PRKG1: variants seen among roughly 807,000 people sequenced by gnomAD.
PRKG1 encodes protein kinase cGMP-dependent 1.
PRKG1 carries 35 observed loss-of-function variants against 88.1 expected under a neutral mutation model. The ratio of observed to expected loss-of-function variants is 0.40; its 90% CI spans 0.30 to 0.53. The LOEUF (loss-of-function observed/expected upper bound fraction) is 0.53, where lower values mean the gene tolerates loss of function less well. Among genes scored for constraint, PRKG1 ranks in the 20% least tolerant of loss-of-function variants. The probability of loss-of-function intolerance (pLI) is 0.59; values close to 1 mark genes in which losing one functional copy is unlikely to be tolerated. For synonymous variants in PRKG1, 303 were observed against 292.5 expected (o/e 1.04, Z -0.37); for missense variants, 540 against 839.8 (o/e 0.64, Z 4.41).
chr10:51,787,349 A>AAGG (rs1213656467), intron 3 of PRKG1, among the ~76,000 whole-genome samples: 1 of 152,144 alleles, frequency 6.6e-6, no homozygotes, highest in Non-Finnish European at 1.5e-5. Flanking sequence ...AGCAATATGT[A>AAGG]AGGTATTGAG....
intron 4 of PRKG1, among the ~76,000 whole-genome samples, chr10:51,861,915 T>A (rs192577288): frequency 2.0e-3 from 304 of 152,316 alleles, no homozygotes; most frequent in African/African-American, 6.9e-3. Flanking sequence ...AGGCTGCACT[T>A]GGCTCACACT....
At chr10:51,469,913 G>A (rs577185293) in intron 3 of PRKG1, among the ~76,000 whole-genome samples, 34 of 151,962 alleles carry the variant, frequency 2.2e-4, no homozygotes, top group Admixed American at 1.2e-3. Flanking sequence ...ATATCTGTGC[G>A]CAACTGTTTC....
intron 2 of PRKG1, among the ~76,000 whole-genome samples, chr10:51,173,185 G>T (rs1837090575): frequency 6.6e-6 from 1 of 151,862 alleles, no homozygotes; most frequent in African/African-American, 2.4e-5. Context: ...AAACATTTAA[G>T]CAGGATGTTA....
intron 9 of PRKG1, among the ~76,000 whole-genome samples, chr10:52,196,139 A>G (rs1839498895): frequency 6.6e-6 from 1 of 151,908 alleles, no homozygotes; most frequent in Non-Finnish European, 1.5e-5. Context: ...CAGCCCCCCG[A>G]GTAGCTGGGA....
chr10:51,555,165 A>G (rs972270822), intron 3 of PRKG1, among the ~76,000 whole-genome samples: 3 of 151,958 alleles, frequency 2.0e-5, no homozygotes, highest in Middle Eastern at 3.4e-3. Context: ...TCTATGCTTT[A>G]TGGCTCTCCA....
chr10:51,706,515 ATT>A (rs113549311), intron 3 of PRKG1, among the ~76,000 whole-genome samples: 1 of 147,558 alleles, frequency 6.8e-6, no homozygotes, highest in African/African-American at 2.5e-5. Context: ...GTCCAGCCCA[ATT>A]TTTTTTTTTT....
At chr10:51,590,343 A>G (rs1160187044) in intron 3 of PRKG1, among the ~76,000 whole-genome samples, 1 of 152,176 alleles carries the variant, frequency 6.6e-6, no homozygotes, top group African/African-American at 2.4e-5. Context: ...CACTTGGAGA[A>G]TAGGTGGCAT....
intron 5 of PRKG1, among the ~76,000 whole-genome samples, chr10:51,986,386 A>G (rs1304125678): frequency 6.6e-6 from 1 of 152,228 alleles, no homozygotes; most frequent in Non-Finnish European, 1.5e-5. Context: ...CATAGAACAC[A>G]TAAGATAGTC....
intron 3 of PRKG1, among the ~76,000 whole-genome samples, chr10:51,747,175 C>T (rs1436659293): frequency 1.3e-5 from 2 of 152,128 alleles, no homozygotes; most frequent in African/African-American, 4.8e-5. Context: ...TTCAGATTTA[C>T]ACAGAAAGAA....
chr10:52,209,977 A>G (rs1383771381), intron 9 of PRKG1, among the ~76,000 whole-genome samples: 1 of 152,206 alleles, frequency 6.6e-6, no homozygotes, highest in Non-Finnish European at 1.5e-5. Flanking sequence ...ACTAGCTGCA[A>G]TCTTAGCCAA....
At chr10:51,604,991 G>T (rs975872578) in intron 3 of PRKG1, among the ~76,000 whole-genome samples, 1 of 152,234 alleles carries the variant, frequency 6.6e-6, no homozygotes, top group East Asian at 1.9e-4. Flanking sequence ...TGAGAGCAAG[G>T]TTTGATTGAG....
chr10:51,052,992 G>A (rs753708269), intron 1 of PRKG1, among the ~76,000 whole-genome samples: 4 of 152,168 alleles, frequency 2.6e-5, no homozygotes, highest in Non-Finnish European at 4.4e-5. Flanking sequence ...CACTTTGGGA[G>A]GTCAAAGTGG....
chr10:51,156,150 A>G (rs147409035), intron 2 of PRKG1, among the ~76,000 whole-genome samples: 11 of 152,102 alleles, frequency 7.2e-5, no homozygotes, highest in African/African-American at 2.4e-4. Context: ...TTCTTGGGTG[A>G]TGTTTACTCA....
At chr10:51,426,685 T>C (rs1239048814) in intron 2 of PRKG1, among the ~76,000 whole-genome samples, 8 of 152,110 alleles carry the variant, frequency 5.3e-5, no homozygotes, top group African/African-American at 1.9e-4. Context: ...CAAAAATATA[T>C]GTGTGTGTCT....
chr10:52,029,646 A>C (rs1273072716), intron 5 of PRKG1, among the ~76,000 whole-genome samples: 1 of 152,170 alleles, frequency 6.6e-6, no homozygotes, highest in African/African-American at 2.4e-5. Flanking sequence ...CACTGGGATC[A>C]CTTGGAGAAC....
intron 2 of PRKG1, among the ~76,000 whole-genome samples, chr10:51,228,271 T>C (rs1208616835): frequency 1.3e-5 from 2 of 152,206 alleles, no homozygotes; most frequent in Non-Finnish European, 2.9e-5. Flanking sequence ...AGGAAAGCCT[T>C]ACTGCTTAGA....
chr10:51,325,675 A>G (rs1258161918), intron 2 of PRKG1, among the ~76,000 whole-genome samples: 1 of 152,170 alleles, frequency 6.6e-6, no homozygotes, highest in East Asian at 1.9e-4. Flanking sequence ...GTCTTACCCA[A>G]AAAATCTTGA....
chr10:51,312,190 G>A (rs1841206210), intron 2 of PRKG1, among the ~76,000 whole-genome samples: 1 of 152,068 alleles, frequency 6.6e-6, no homozygotes, highest in Non-Finnish European at 1.5e-5. Context: ...TATCTTCTAA[G>A]TCTCTTTGCA....
At chr10:50,994,658 A>G (rs1207265274) in intron 1 of PRKG1, among the ~76,000 whole-genome samples, 1 of 152,132 alleles carries the variant, frequency 6.6e-6, no homozygotes, top group Non-Finnish European at 1.5e-5. Context: ...TTTGAATGAT[A>G]ACTATTCATG....
Sources: gnomAD v4.1 joint callset for allele counts (sites outside exome capture counted in the v4.1 genomes callset) on GRCh38, gnomAD v4.1.1 for gene constraint, MANE v1.5 for transcripts, NCBI Gene and HGNC (gene_info 2026-07-23, HGNC 2026-07-21) for gene names.